The following JMY variants were observed in gnomAD, a reference collection of about 807,000 sequenced individuals.
JMY encodes the protein junction-mediating and -regulatory protein.
In JMY, 46 loss-of-function variants were observed where a neutral mutation model predicts 103.3. The observed-to-expected ratio is 0.45, with a 90% CI of 0.35 to 0.57. JMY has a LOEUF of 0.57. Ranked by LOEUF, JMY falls within the 20% of genes least tolerant of loss-of-function variation. JMY has a pLI of 0.00. For missense variants in JMY, 1,238 were observed against 1,255.2 expected, an observed-to-expected ratio of 0.99 and a Z score of 0.21; for synonymous variants, 526 against 489.3, an observed-to-expected ratio of 1.07 and a Z score of -0.99.
At chr5:79,280,981 T>C (rs1319479919) in intron 2 of JMY, among the ~76,000 whole-genome samples, 1 of 151,736 alleles carries the variant, frequency 6.6e-6, no homozygotes, top group Non-Finnish European at 1.5e-5. Flanking sequence ...AGTAGTTGTT[T>C]TAAGTATTAC....
At chr5:79,293,665 A>G (rs1746486945) in intron 4 of JMY, among the ~76,000 whole-genome samples, 1 of 152,202 alleles carries the variant, frequency 6.6e-6, no homozygotes, top group African/African-American at 2.4e-5. Flanking sequence ...GCAATTTTGC[A>G]CACAATTTTA....
intron 1 of JMY, among the ~76,000 whole-genome samples, chr5:79,241,540 T>C (rs1744741783): frequency 6.6e-6 from 1 of 152,184 alleles, no homozygotes; most frequent in Non-Finnish European, 1.5e-5. Flanking sequence ...AGGTTTTTAC[T>C]TGGGGATGGT....
chr5:79,256,898 T>C (rs1745261449), intron 1 of JMY, among the ~76,000 whole-genome samples: 1 of 151,864 alleles, frequency 6.6e-6, no homozygotes, highest in African/African-American at 2.4e-5. Context: ...CTAGCCGATA[T>C]TACAGGCATG....
chr5:79,277,365 G>A (rs1051798164), intron 1 of JMY, among the ~76,000 whole-genome samples: 5 of 151,776 alleles, frequency 3.3e-5, no homozygotes, highest in Admixed American at 1.3e-4. Flanking sequence ...AGTGGCTCAC[G>A]CCTGTAATCT....
rs1747661132 is a variant in JMY, at chr5:79,326,760, T to C, written c.*5158T>C. The C allele has an allele frequency of 6.6e-6, 1 of 152,224 alleles. No individual in the cohort carries two copies. The highest frequency in any genetic ancestry group is 2.1e-4 in the South Asian group (1 of 4,832). 9.4% of individuals were successfully genotyped at this position (152,224 alleles called of 1,614,324 possible). On this transcript the variant is annotated 3_prime_UTR_variant, in exon 11 of 11. Coordinates refer to ENST00000396137, the MANE Select transcript of JMY (RefSeq NM_152405.5). ...TTCACCATTTACTAGCTTTGTGCAA[T>C]ATTATAAAAGGTAGAAGCAAAACAC...
intron 1 of JMY, among the ~76,000 whole-genome samples, chr5:79,262,760 T>A (rs1291073105): frequency 2.0e-5 from 3 of 152,226 alleles, no homozygotes; most frequent in African/African-American, 7.2e-5. Context: ...TAAGTTTAGG[T>A]GCTGCATAAT....
At chr5:79,289,541 A>G (rs1746363682) in intron 2 of JMY, among the ~76,000 whole-genome samples, 1 of 152,198 alleles carries the variant, frequency 6.6e-6, no homozygotes, top group Admixed American at 6.5e-5. Context: ...GTTTTGAAAT[A>G]TACTTTTAAT....
Position 79,288,716 on chromosome 5 carries a change from GT to G in JMY, c.1207-1396del, listed in dbSNP as rs542455082. Among the ~76,000 whole-genome samples the G allele has an allele frequency of 5.1e-3, 742 of 146,562 alleles. 10 individuals are homozygous for G. The highest frequency in any genetic ancestry group is 0.017 in the African/African-American group (679 of 38,934). The stretch of plus-strand genomic sequence containing the variant: ...ATTCTAATTCTTTTTGTTTTGTTTT[GT>G]TTTTTTTTGTTTGTTTGTTTGTTTG... On this transcript the variant is annotated intron_variant, in intron 2 of 10. Transcript: ENST00000396137.
chr5:79,273,879 G>C (rs1000724242), intron 1 of JMY, among the ~76,000 whole-genome samples: 1 of 151,556 alleles, frequency 6.6e-6, no homozygotes, highest in African/African-American at 2.4e-5. Flanking sequence ...TGCCCATCCT[G>C]GAGTGCAATG....
In JMY at chr5:79,272,127, A is replaced by G. The variant is rs1159446773; in HGVS notation, c.1033-5783A>G. Among the ~76,000 whole-genome samples the G allele has an allele frequency of 8.6e-5, 13 of 151,890 alleles. No homozygotes were observed. In the East Asian group the frequency reaches 2.3e-3, roughly 27 times the overall value. On this transcript the variant is annotated intron_variant, in intron 1 of 10. Coordinates refer to ENST00000396137, the MANE Select transcript of JMY (RefSeq NM_152405.5). ...ATTCTGTCTTTAAAAAAAAAAAAAA[A>G]AAGAAGTTCTGCATTATCTCCAGTA...
chr5:79,303,317 C>T (rs1746792303), intron 6 of JMY, among the ~76,000 whole-genome samples: 1 of 152,094 alleles, frequency 6.6e-6, no homozygotes, highest in African/African-American at 2.4e-5. Context: ...CAATCCTCAG[C>T]CTCCCAAAGT....
intron 4 of JMY, among the ~76,000 whole-genome samples, chr5:79,297,517 C>CG (rs1234998465): frequency 6.6e-6 from 1 of 152,078 alleles, no homozygotes; most frequent in Non-Finnish European, 1.5e-5. Context: ...GCAGGGTGCC[C>CG]GCTCCATACC....
At chr5:79,250,396 T>C (rs991103378) in intron 1 of JMY, among the ~76,000 whole-genome samples, 4 of 152,182 alleles carry the variant, frequency 2.6e-5, no homozygotes, top group Admixed American at 2.0e-4. Flanking sequence ...ACGGTGATTC[T>C]AGTATTTTTT....
At chr5:79,321,116 C>T (rs1747434890) in intron 10 of JMY, among the ~76,000 whole-genome samples, 1 of 152,196 alleles carries the variant, frequency 6.6e-6, no homozygotes. Context: ...ATGTTCCTGT[C>T]AGCTTTTATC....
At chr5:79,278,130 C>A in intron 2 of JMY, 47 bp downstream of exon 2, 3 of 1,433,096 alleles carry the variant, frequency 2.1e-6, no homozygotes, top group South Asian at 1.3e-5. Context: ...TTTCATAGTT[C>A]TCAGCCTGAA....
chr5:79,246,176 C>T (rs962669492), intron 1 of JMY, among the ~76,000 whole-genome samples: 5 of 151,944 alleles, frequency 3.3e-5, no homozygotes, highest in African/African-American at 9.7e-5. Context: ...ACTGCTTTTC[C>T]GATCAGTTTT....
chr5:79,296,380 T>TTG (rs1488159008), intron 4 of JMY, among the ~76,000 whole-genome samples: 6 of 152,260 alleles, frequency 3.9e-5, no homozygotes, highest in Admixed American at 1.3e-4. Flanking sequence ...ATACTCAGGC[T>TTG]TGTCTGTTAC....
At chr5:79,251,732 T>C (rs1015354407) in intron 1 of JMY, among the ~76,000 whole-genome samples, 1 of 151,978 alleles carries the variant, frequency 6.6e-6, no homozygotes, top group African/African-American at 2.4e-5. Context: ...CAATTGTCTA[T>C]TTCAATGAGT....
At chr5:79,266,276 A>G (rs1395057881) in intron 1 of JMY, among the ~76,000 whole-genome samples, 3 of 152,218 alleles carry the variant, frequency 2.0e-5, no homozygotes, top group African/African-American at 4.8e-5. Flanking sequence ...TTGGTTCACC[A>G]TTGTGTCCCT....
Sources: allele counts gnomAD v4.1 joint callset (sites outside exome capture counted in the v4.1 genomes callset), GRCh38; gene constraint gnomAD v4.1.1; transcripts MANE v1.5; gene names NCBI Gene and HGNC (gene_info 2026-07-23, HGNC 2026-07-21).